MRC2: variants seen among roughly 807,000 people sequenced by gnomAD.
MRC2 encodes the protein mannose receptor C-type 2, also known as C-type mannose receptor 2.
A neutral mutation model predicts 206.2 loss-of-function variants in MRC2; 84 were observed. That is an observed-to-expected ratio of 0.41 (90% CI 0.34 to 0.49). MRC2 has a LOEUF of 0.49. Ranked by LOEUF, MRC2 falls within the 20% of genes least tolerant of loss-of-function variation. MRC2 has a pLI of 0.31. For missense variants in MRC2, 1,676 were observed against 2,001.5 expected (o/e 0.84, Z 3.10); for synonymous variants, 798 against 800.0 (o/e 1.00, Z 0.04).
intron 27 of MRC2, 74 bp downstream of exon 27, chr17:62,690,835 C>CCTTG: frequency 6.6e-7 from 1 of 1,509,248 alleles, no homozygotes; most frequent in Non-Finnish European, 8.9e-7. Context: ...TTGCCCTGAG[C>CCTTG]CTTGTCCTGG....
chr17:62,686,964 C>G lies in MRC2; in HGVS notation c.2947-1325C>G, dbSNP rs565886331. ...TGGAGCTAATTATTAATAGTCACAG[C>G]TCTCACTGGTTAAGTGCCTACTGTG... On this transcript the variant is annotated intron_variant, in intron 20 of 29. Transcript: ENST00000303375. Among the ~76,000 whole-genome samples the G allele has an allele frequency of 3.9e-5, 6 of 152,334 alleles. No individual in the cohort carries two copies. The East Asian group carries it at 1.2e-3, about 29-fold the overall frequency.
chr17:62,666,995 A>AC lies in MRC2; in HGVS notation c.973+131dup, dbSNP rs1295462354. ...GTGGGTAGGGGAAGCACCGACCTCC[A>AC]CCCCCCTCCCCAGACTGCGCCCCCC... On this transcript the variant is annotated intron_variant, in intron 5 of 29. Coordinates refer to ENST00000303375, the MANE Select transcript of MRC2 (RefSeq NM_006039.5). This position sits in a 1 kb window ranked among gnomAD's most constrained non-coding sequence, Gnocchi z 5.0. 29 of 752,550 alleles carry AC rather than the reference A, an allele frequency of 3.9e-5. No homozygotes were observed. The highest frequency in any genetic ancestry group is 7.2e-5 in the Admixed American group (3 of 41,896). 46.6% of individuals were successfully genotyped at this position (752,550 alleles called of 1,614,324 possible).
Position 62,675,867 on chromosome 17 carries a change from C to A in MRC2, c.1647C>A (p.Cys549Ter), listed in dbSNP as rs1157344085. The A allele has an allele frequency of 6.2e-7, 1 of 1,614,116 alleles. No homozygotes were observed. The highest frequency in any genetic ancestry group is 1.7e-5 in the Admixed American group (1 of 60,024). Reference protein sequence around the residue: ...QVTYSEARRLCTDHGSQLVTI... With the variant: ...QVTYSEARRL ...CCTACAGTGAGGCCCGGCGCCTGTG[C>A]ACTGACCATGGCTCTCAGCTGGTCA... Residue 549 changes from cysteine to a stop codon, truncating the protein, a stop_gained, in exon 10 of 30, where the codon TGC becomes TGA. Coordinates refer to ENST00000303375, the MANE Select transcript of MRC2 (RefSeq NM_006039.5). LOFTEE classifies it high-confidence loss of function. The surrounding 1 kb of genome is among the most constrained non-coding windows in gnomAD (Gnocchi z 4.1).
intron 1 of MRC2, among the ~76,000 whole-genome samples, chr17:62,633,840 C>CAAAAAAAA (rs571793821): frequency 5.6e-4 from 19 of 33,918 alleles, no homozygotes; most frequent in Non-Finnish European, 8.1e-4. Context: ...GACCCTGTCT[C>CAAAAAAAA]AAAAAAAAAA....
intron 22 of MRC2, 36 bp downstream of exon 22, chr17:62,688,700 C>G: frequency 3.1e-6 from 5 of 1,608,098 alleles, no homozygotes; most frequent in Non-Finnish European, 4.2e-6. Flanking sequence ...CCGCACCGCG[C>G]TGCCCTAAGC....
chr17:62,688,802 G>A (rs369754720), intron 22 of MRC2, 50 bp from the exon 23 acceptor site: 7 of 1,583,722 alleles, frequency 4.4e-6, no homozygotes, highest in Non-Finnish European at 6.0e-6. Context: ...GGGGACAGTA[G>A]CACAGGGAGG....
chr17:62,690,539 C>A, intron 26 of MRC2, 103 bp from the exon 27 acceptor site: 1 of 1,494,076 alleles, frequency 6.7e-7, no homozygotes, highest in South Asian at 1.3e-5. Context: ...GACTCCACAC[C>A]ATCCTCTACT....
intron 1 of MRC2, among the ~76,000 whole-genome samples, chr17:62,656,140 G>C (rs2088616831): frequency 6.6e-6 from 1 of 152,092 alleles, no homozygotes; most frequent in South Asian, 2.1e-4. Context: ...TCCGCCTCCT[G>C]GGTTCAAGCG....
chr17:62,682,437 G>C lies in MRC2; in HGVS notation c.2946+60G>C, dbSNP rs2088980476. ...GGGGAGAGGACGTGAACAGGGAAAG[G>C]CTGAGCCTCAGGAGTCCTGGCCTTT... On this transcript the variant is annotated intron_variant, in intron 20 of 29. Coordinates refer to ENST00000303375, the MANE Select transcript of MRC2 (RefSeq NM_006039.5). The C allele has an allele frequency of 1.9e-6, 3 of 1,538,576 alleles. No individual in the cohort carries two copies. The African/African-American group carries it at 4.2e-5, about 21-fold the overall frequency.
chr17:62,681,391 T>C lies in MRC2; in HGVS notation c.2702+262T>C, dbSNP rs2088964754. 4 of 556,980 alleles carry C rather than the reference T, an allele frequency of 7.2e-6. No homozygotes were observed. The East Asian group carries it at 9.1e-5, about 13-fold the overall frequency. The allele number at this position is 556,980 out of a possible 1,614,324, so 34.5% of individuals were successfully genotyped here. A position where few individuals can be genotyped will look rare whatever the true frequency, so the allele number is the denominator to read the frequency against. ...ATCCAGCACATTAGTTACTAAATAATGGCAGCTCCTGTTACGTCTGGTGTC... is the reference window on the plus strand; with the variant it reads ...ATCCAGCACATTAGTTACTAAATAACGGCAGCTCCTGTTACGTCTGGTGTC... On this transcript the variant is annotated intron_variant, in intron 18 of 29. Coordinates refer to ENST00000303375, the MANE Select transcript of MRC2 (RefSeq NM_006039.5).
chr17:62,628,738 G>A (rs976648885), intron 1 of MRC2, among the ~76,000 whole-genome samples: 9 of 152,150 alleles, frequency 5.9e-5, no homozygotes, highest in Non-Finnish European at 1.2e-4. Context: ...TTATTCAGGG[G>A]TAACAGTGAA....
chr17:62,636,926 C>T (rs899284185), intron 1 of MRC2, among the ~76,000 whole-genome samples: 2 of 150,564 alleles, frequency 1.3e-5, no homozygotes, highest in Non-Finnish European at 3.0e-5. Context: ...CTTTTGAAAA[C>T]TCTCTTCCCC....
At chr17:62,659,912 T>C (rs983693165) in intron 1 of MRC2, among the ~76,000 whole-genome samples, 5 of 152,246 alleles carry the variant, frequency 3.3e-5, no homozygotes, top group African/African-American at 1.2e-4. Flanking sequence ...CATTCATGCA[T>C]GTGTTCATTT....
At chr17:62,654,867 C>T (rs1193638482) in intron 1 of MRC2, among the ~76,000 whole-genome samples, 2 of 152,210 alleles carry the variant, frequency 1.3e-5, no homozygotes, top group African/African-American at 4.8e-5. Flanking sequence ...AAACTAGACA[C>T]GGTGGCTCAC....
In MRC2 at chr17:62,680,421, C is replaced by A. The variant is rs1489923105; in HGVS notation, c.2441C>A (p.Thr814Lys). ...LDWICKIPRG[T>K]DVREPDDSPQ... Reference sequence around the variant, plus strand: ...GTCTTTGTCCTTGTTCCCCTAGGTACGGACGTGCGGGAGCCCGACGACAGC... The same window carrying A: ...GTCTTTGTCCTTGTTCCCCTAGGTAAGGACGTGCGGGAGCCCGACGACAGC... Residue 814 changes from threonine (T) to lysine (K), a missense_variant, in exon 16 of 30, where the codon ACG (threonine) becomes AAG (lysine). This residue lies in a region of MRC2 where 1,354 missense variants were observed against 1,636.6 expected (regional missense o/e 0.83). Coordinates refer to ENST00000303375, the MANE Select transcript of MRC2 (RefSeq NM_006039.5). The surrounding 1 kb of genome is among the most constrained non-coding windows in gnomAD (Gnocchi z 4.8). 3.7e-6 allele frequency: 6 copies of A among 1,613,982 alleles called. No individual in the cohort carries two copies. In the South Asian group the frequency reaches 5.5e-5, roughly 15 times the overall value.
intron 13 of MRC2, 58 bp from the exon 14 acceptor site, chr17:62,679,742 G>C: frequency 6.5e-7 from 1 of 1,544,376 alleles, no homozygotes; most frequent in South Asian, 1.2e-5. Flanking sequence ...GGCACGTTTG[G>C]GTTCCTGCCC....
In MRC2 at chr17:62,627,692, G is replaced by A. The variant is rs2084178828; in HGVS notation, c.-111G>A. On this transcript the variant is annotated 5_prime_UTR_variant, in exon 1 of 30. Transcript: ENST00000303375. ...GGCATCACTTCGTCCCGACCCGGAG[G>A]AGGACGCGAGCCCCTTGCGGGCGGT... The A allele has an allele frequency of 1.3e-6, 1 of 741,386 alleles. No homozygotes were observed. The highest frequency in any genetic ancestry group is 1.9e-6 in the Non-Finnish European group (1 of 521,266). The allele number at this position is 741,386 out of a possible 1,614,324, so 45.9% of individuals were successfully genotyped here.
chr17:62,657,883 A>G lies in MRC2; in HGVS notation c.119-6665A>G, dbSNP rs554575943. Among the ~76,000 whole-genome samples the G allele has an allele frequency of 5.9e-5, 9 of 152,084 alleles. No individual in the cohort carries two copies. The East Asian group carries it at 1.7e-3, about 29-fold the overall frequency. On this transcript the variant is annotated intron_variant, in intron 1 of 29. Coordinates refer to ENST00000303375, the MANE Select transcript of MRC2 (RefSeq NM_006039.5). ...CATTGAGGGCCCAGGCCCACCGGCCACTTCGGGTGGAAAATGCTCTCAAGA... is the reference window on the plus strand; with the variant it reads ...CATTGAGGGCCCAGGCCCACCGGCCGCTTCGGGTGGAAAATGCTCTCAAGA...
Position 62,693,312 on chromosome 17 carries a change from A to G in MRC2, c.*861A>G, listed in dbSNP as rs1276145539. The G allele has an allele frequency of 6.6e-6, 1 of 152,410 alleles. No homozygotes were observed. The highest frequency in any genetic ancestry group is 1.5e-5 in the Non-Finnish European group (1 of 68,138). 9.4% of individuals were successfully genotyped at this position (152,410 alleles called of 1,614,324 possible). The stretch of plus-strand genomic sequence containing the variant: ...GTTGCCAGAGTCCTGGGGGCCCCAG[A>G]GGAGCAGGAGTCTGGGAGGGCCCAG... On this transcript the variant is annotated 3_prime_UTR_variant, in exon 30 of 30. Transcript: ENST00000303375.
Sources: allele counts gnomAD v4.1 joint callset (sites outside exome capture counted in the v4.1 genomes callset), GRCh38; gene constraint gnomAD v4.1.1; regional missense constraint gnomAD v4.1.1; non-coding constraint Gnocchi (gnomAD v3.1); transcripts MANE v1.5; gene names NCBI Gene and HGNC (gene_info 2026-07-23, HGNC 2026-07-21).